RPS6KC1: variants seen among roughly 807,000 people sequenced by gnomAD.
The protein encoded by RPS6KC1 is inactive ribosomal protein S6 kinase delta-1.
RPS6KC1 carries 54 observed loss-of-function variants against 103.8 expected under a neutral mutation model. That is an observed-to-expected ratio of 0.52 (90% confidence interval 0.42 to 0.65). The LOEUF is 0.65. RPS6KC1 is among the 30% of genes least tolerant of loss of function. RPS6KC1 has a pLI of 0.00. For synonymous variants in RPS6KC1, 439 were observed against 438.7 expected (o/e 1.00, Z -0.01); for missense variants, 1,151 against 1,253.8 (o/e 0.92, Z 1.24).
chr1:213,579,615 G>T, the RPS6KC1 span, among the ~76,000 whole-genome samples: 1 of 151,998 alleles, frequency 6.6e-6, no homozygotes, highest in Non-Finnish European at 1.5e-5. Context: ...AGCTAGAGAG[G>T]AGAAGTCAAT....
chr1:213,626,455 C>T, the RPS6KC1 span, among the ~76,000 whole-genome samples: 3 of 152,108 alleles, frequency 2.0e-5, no homozygotes, highest in Non-Finnish European at 4.4e-5. Flanking sequence ...TCAATTTTGG[C>T]TTTTGTTGTC....
rs141590109 is a variant in RPS6KC1 at position 213,149,053 on chromosome 1, G to A, written c.836-18805G>A. Among the ~76,000 whole-genome samples, 209 of 151,658 alleles carry A rather than the reference G, an allele frequency of 1.4e-3. 4 individuals carry two copies. In the East Asian group the frequency reaches 0.033, roughly 24 times the overall value. On this transcript the variant is annotated intron_variant, in intron 6 of 14. Coordinates refer to ENST00000366960, the MANE Select transcript of RPS6KC1 (RefSeq NM_012424.6). ...TTTACATTTCTGATTTTATTTATTT[G>A]TATATTCTTTTTTTTTCTTAGTTTG...
At chr1:213,091,818 A>G (rs954897623) in intron 3 of RPS6KC1, among the ~76,000 whole-genome samples, 7 of 152,214 alleles carry the variant, frequency 4.6e-5, no homozygotes, top group South Asian at 2.1e-4. Context: ...ATGTCTGTCA[A>G]ATATCCAAAT....
the RPS6KC1 span, among the ~76,000 whole-genome samples, chr1:213,532,295 C>A: frequency 4.6e-5 from 7 of 152,052 alleles, no homozygotes; most frequent in African/African-American, 1.7e-4. Context: ...TTTCCAACTG[C>A]GGATGCATTA....
At chr1:213,359,907 A>G in the RPS6KC1 span, among the ~76,000 whole-genome samples, 1 of 152,092 alleles carries the variant, frequency 6.6e-6, no homozygotes, top group African/African-American at 2.4e-5. Context: ...TGGCTTGTAG[A>G]GTTTCTGCTG....
At chr1:213,661,924 T>A in the RPS6KC1 span, among the ~76,000 whole-genome samples, 1 of 152,166 alleles carries the variant, frequency 6.6e-6, no homozygotes, top group South Asian at 2.1e-4. Context: ...TATTTTCATG[T>A]TAAGATTCTG....
the RPS6KC1 span, among the ~76,000 whole-genome samples, chr1:213,743,481 T>TG: frequency 1.2e-4 from 18 of 152,274 alleles, no homozygotes; most frequent in South Asian, 2.5e-3. Flanking sequence ...AACATGCACA[T>TG]GTACCCTCTG....
chr1:213,455,888 A>T, the RPS6KC1 span, among the ~76,000 whole-genome samples: 1 of 152,224 alleles, frequency 6.6e-6, no homozygotes, highest in Non-Finnish European at 1.5e-5. Context: ...ACAGACATCC[A>T]TGACACTCCA....
the RPS6KC1 span, among the ~76,000 whole-genome samples, chr1:213,640,670 C>T: frequency 2.2e-4 from 33 of 151,732 alleles, no homozygotes; most frequent in South Asian, 6.7e-3. Flanking sequence ...AAGGGTTTTA[C>T]CTTTCCACAT....
the RPS6KC1 span, among the ~76,000 whole-genome samples, chr1:213,563,972 C>CTTTTTTTTTTTTTTTTTTT: frequency 7.4e-6 from 1 of 134,398 alleles, no homozygotes; most frequent in Non-Finnish European, 1.6e-5. Flanking sequence ...TTGCTTACCT[C>CTTTTTTTTTTTTTTTTTTT]TTTTTTTTTT....
intron 8 of RPS6KC1, among the ~76,000 whole-genome samples, chr1:213,226,564 C>G (rs1489765263): frequency 6.6e-6 from 1 of 152,172 alleles, no homozygotes; most frequent in Non-Finnish European, 1.5e-5. Flanking sequence ...CTTCTTCTGA[C>G]AGACTTTACT....
chr1:213,302,572 G>A, the RPS6KC1 span, among the ~76,000 whole-genome samples: 7 of 152,200 alleles, frequency 4.6e-5, no homozygotes, highest in South Asian at 6.2e-4. Flanking sequence ...ATTAAGCATC[G>A]CTTCCTGAGG....
the RPS6KC1 span, among the ~76,000 whole-genome samples, chr1:213,538,329 C>A: frequency 6.6e-6 from 1 of 152,146 alleles, no homozygotes; most frequent in Non-Finnish European, 1.5e-5. Context: ...AGGACATGCT[C>A]TCTTGTTCTT....
the RPS6KC1 span, among the ~76,000 whole-genome samples, chr1:213,410,418 C>G: frequency 2.0e-5 from 3 of 152,074 alleles, no homozygotes; most frequent in Non-Finnish European, 1.5e-5. Flanking sequence ...AGTGCTTGTT[C>G]CAGGGCCTCC....
At chr1:213,287,026 TAAG>T in the RPS6KC1 span, among the ~76,000 whole-genome samples, 1 of 152,164 alleles carries the variant, frequency 6.6e-6, no homozygotes, top group East Asian at 1.9e-4. Flanking sequence ...ACCAATAGAT[TAAG>T]AAATAATTGA....
At chr1:213,859,225 G>C in the RPS6KC1 span, among the ~76,000 whole-genome samples, 2 of 152,188 alleles carry the variant, frequency 1.3e-5, no homozygotes, top group Admixed American at 6.5e-5. Context: ...TATGTCCGGG[G>C]CCTGAGAGGG....
the RPS6KC1 span, among the ~76,000 whole-genome samples, chr1:213,827,756 C>A: frequency 7.2e-5 from 11 of 152,224 alleles, no homozygotes; most frequent in Admixed American, 7.2e-4. Flanking sequence ...GCTACAGCAC[C>A]ACTTCTAGCA....
chr1:213,064,031 G>A (rs2078070383), intron 1 of RPS6KC1, among the ~76,000 whole-genome samples: 2 of 152,190 alleles, frequency 1.3e-5, no homozygotes, highest in Admixed American at 1.3e-4. Context: ...AATGCTTGCA[G>A]TGGAAATTTC....
At chr1:213,511,960 T>C in the RPS6KC1 span, among the ~76,000 whole-genome samples, 2 of 152,234 alleles carry the variant, frequency 1.3e-5, no homozygotes, top group African/African-American at 2.4e-5. Context: ...TCTGATGGAT[T>C]CCTGCAGCCA....
Sources: allele counts gnomAD v4.1 joint callset (sites outside exome capture counted in the v4.1 genomes callset), GRCh38; gene constraint gnomAD v4.1.1; transcripts MANE v1.5; gene names NCBI Gene and HGNC (gene_info 2026-07-23, HGNC 2026-07-21).